Variants in EP400 observed in about 807,000 individuals in gnomAD.
EP400 encodes the protein E1A binding protein p400, also known as E1A-binding protein p400.
A neutral mutation model predicts 354.1 loss-of-function variants in EP400; 105 were observed. The ratio of observed to expected loss-of-function variants is 0.30; its 90% CI spans 0.25 to 0.35. EP400 has a LOEUF of 0.35. Among genes scored for constraint, EP400 ranks in the 10% least tolerant of loss-of-function variants. The probability of loss-of-function intolerance (pLI) is 1.00; values close to 1 mark genes in which losing one functional copy is unlikely to be tolerated. For missense variants in EP400, 3,280 were observed against 4,121.0 expected (o/e 0.80, Z 5.59); for synonymous variants, 1,646 against 1,716.9 (o/e 0.96, Z 1.02).
chr12:132,011,346 A>G (rs180921364), intron 15 of EP400, 152 bp from the exon 16 acceptor site: 4 of 928,776 alleles, frequency 4.3e-6, no homozygotes, highest in Non-Finnish European at 6.4e-6. Flanking sequence ...CTCCAGATGA[A>G]TGCACTTGTT....
chr12:132,011,656 A>T (rs1893770152), intron 16 of EP400, 22 bp downstream of exon 16: 1 of 1,571,556 alleles, frequency 6.4e-7, no homozygotes, highest in Admixed American at 2.0e-5. Context: ...TTAAACATAA[A>T]ATAAAGCTAA....
At chr12:132,047,875 C>T (rs1402471909) in intron 39 of EP400, among the ~76,000 whole-genome samples, 3 of 148,606 alleles carry the variant, frequency 2.0e-5, no homozygotes, top group Non-Finnish European at 4.6e-5. Flanking sequence ...GCCCCCAAAG[C>T]GGCCATTTCA....
rs200954409 is a variant in EP400 at position 132,028,146 on chromosome 12, G to T, written c.5239G>T (p.Val1747Leu). 2 of 1,614,178 alleles carry T rather than the reference G, an allele frequency of 1.2e-6. No individual in the cohort carries two copies. The highest frequency in any genetic ancestry group is 1.3e-5 in the African/African-American group (1 of 75,044). The stretch of plus-strand genomic sequence containing the variant: ...TTGTGCCCTGCCTAGCCATGGAAGG[G>T]TACAGTGGCGTGGGTCCCTGGATGG... Reference protein sequence around the residue: ...RICALPSHGRVQWRGSLDGRR... With the variant: ...RICALPSHGRLQWRGSLDGRR... Residue 1747 changes from valine to leucine, a missense_variant, in exon 27 of 53, where the codon GTA (valine) becomes TTA (leucine). Physicochemically the swap from Val to Leu is conservative, Grantham distance 32. Transcript: ENST00000389561.
intron 12 of EP400, among the ~76,000 whole-genome samples, chr12:131,999,271 G>C (rs1304841385): frequency 6.6e-6 from 1 of 152,076 alleles, no homozygotes; most frequent in East Asian, 1.9e-4. Context: ...TGGAAGCCTT[G>C]GCCTGACGTG....
Position 132,013,223 on chromosome 12 carries a change from T to C in EP400, c.3611+45T>C, listed in dbSNP as rs776933994. On this transcript the variant is annotated intron_variant, in intron 17 of 52. Coordinates refer to ENST00000389561, the MANE Select transcript of EP400 (RefSeq NM_015409.5). The surrounding 1 kb of genome is among the most constrained non-coding windows in gnomAD (Gnocchi z 4.5). ...GTCATTGAGTGTTCTTTGCTGTTGA[T>C]GTAGAAGATTCTCTTGAAGAAATCT... The C allele has an allele frequency of 4.3e-5, 67 of 1,564,476 alleles. No homozygotes were observed. Among genetic ancestry groups the C allele is most frequent in the Non-Finnish European group, 5.6e-5 (65 of 1,150,966 alleles).
In EP400 at chr12:132,035,789, C is replaced by T. The variant is rs113999356; in HGVS notation, c.5952-1893C>T. Among the ~76,000 whole-genome samples the T allele has an allele frequency of 2.4e-3, 356 of 146,002 alleles. 1 individual carries two copies. Among genetic ancestry groups the T allele is most frequent in the African/African-American group, 7.2e-3 (282 of 39,120 alleles). ...ACACAGCCAGGTTCACACGGAACGT[C>T]GTGGAAGGACATACCCAGGTTCACG... On this transcript the variant is annotated intron_variant, in intron 30 of 52. Transcript: ENST00000389561.
At chr12:132,006,070 C>T in intron 13 of EP400, 42 bp from the exon 14 acceptor site, 3 of 1,560,350 alleles carry the variant, frequency 1.9e-6, no homozygotes, top group South Asian at 1.2e-5. Context: ...TTTATAAAGC[C>T]TTCTCAGTGG....
intron 51 of EP400, among the ~76,000 whole-genome samples, chr12:132,074,047 C>T (rs1394260603): frequency 6.7e-6 from 1 of 150,306 alleles, no homozygotes; most frequent in Admixed American, 6.7e-5. Flanking sequence ...GCCTCAGCCT[C>T]CCGAGTAGCT....
At chr12:132,057,099 TAA>T (rs1025553061) in intron 45 of EP400, among the ~76,000 whole-genome samples, 11 of 152,342 alleles carry the variant, frequency 7.2e-5, no homozygotes, top group African/African-American at 2.6e-4. Flanking sequence ...AGTCGCTTCC[TAA>T]AACAGTTTCT....
intron 15 of EP400, among the ~76,000 whole-genome samples, chr12:132,007,106 T>G (rs370621167): frequency 1.3e-5 from 2 of 152,182 alleles, no homozygotes; most frequent in Admixed American, 1.3e-4. Flanking sequence ...ATACAGAGAC[T>G]CGTCAGGCTA....
At chr12:132,006,456 G>A (rs1403471165) in intron 14 of EP400, among the ~76,000 whole-genome samples, 154 bp downstream of exon 14, 2 of 152,228 alleles carry the variant, frequency 1.3e-5, no homozygotes, top group Non-Finnish European at 2.9e-5. Context: ...TGTAGTCCCA[G>A]CTACTCAGGA....
In EP400 at chr12:132,067,312, C is replaced by T; in HGVS notation, c.8750-50C>T. ...AGTTGGAACAGAGCTTGGCGTGAGC[C>T]TCAAGCTCTTTTCCCAGTGTGCTGA... On this transcript the variant is annotated intron_variant, in intron 49 of 52. Transcript: ENST00000389561. The surrounding 1 kb of genome is among the most constrained non-coding windows in gnomAD (Gnocchi z 5.3). The T allele has an allele frequency of 1.3e-6, 2 of 1,593,672 alleles. No homozygotes were observed. The highest frequency in any genetic ancestry group is 1.7e-6 in the Non-Finnish European group (2 of 1,167,624).
rs139297591 is a variant in EP400 at position 132,048,737 on chromosome 12, C to T, written c.7201-1586C>T. 9.2e-3 allele frequency among the ~76,000 whole-genome samples: 1,394 copies of T among 151,972 alleles called. 16 individuals carry two copies. Among genetic ancestry groups the T allele is most frequent in the African/African-American group, 0.032 (1,337 of 41,450 alleles). On this transcript the variant is annotated intron_variant, in intron 39 of 52. Transcript: ENST00000389561. ...ATGTCCTCTACTGCTAGAGGAATGC[C>T]CTAAATTTCACCAGGTTGGCCAGGC...
In EP400 at chr12:132,043,788, G is replaced by C. The variant is rs1894992088; in HGVS notation, c.6450+60G>C. On this transcript the variant is annotated intron_variant, in intron 34 of 52. Coordinates refer to ENST00000389561, the MANE Select transcript of EP400 (RefSeq NM_015409.5). Reference sequence around the variant, plus strand: ...TTGCAATATTTTCAGAGTTAAGTTTGATTTGAAGTAAATGTGACTTCATTA... The same window carrying C: ...TTGCAATATTTTCAGAGTTAAGTTTCATTTGAAGTAAATGTGACTTCATTA... 3.5e-6 allele frequency: 5 copies of C among 1,426,854 alleles called. No individual in the cohort carries two copies. In the East Asian group the frequency reaches 9.2e-5, roughly 26 times the overall value. The allele number at this position is 1,426,854 out of a possible 1,614,324, so 88.4% of individuals were successfully genotyped here.
At chr12:131,979,890 C>A in intron 3 of EP400, 97 bp downstream of exon 3, 1 of 957,270 alleles carries the variant, frequency 1.0e-6, no homozygotes, top group Admixed American at 3.3e-5. Flanking sequence ...AGTTGCTAAA[C>A]TTGGTTTCTT....
chr12:132,071,388 G>A (rs572835312), intron 51 of EP400, among the ~76,000 whole-genome samples: 1 of 152,168 alleles, frequency 6.6e-6, no homozygotes, highest in African/African-American at 2.4e-5. Context: ...TGATCCCTCA[G>A]GCCTCAGGTG....
rs1474686735 is a variant in EP400 at position 132,076,655 on chromosome 12, A to G, written c.9099+62A>G. 16 of 1,440,734 alleles carry G rather than the reference A, an allele frequency of 1.1e-5. 1 individual carries two copies. The highest frequency in any genetic ancestry group is 1.4e-5 in the African/African-American group (1 of 70,408). The allele number at this position is 1,440,734 out of a possible 1,614,324, so 89.2% of individuals were successfully genotyped here. A position where few individuals can be genotyped will look rare whatever the true frequency, so the allele number is the denominator to read the frequency against. On this transcript the variant is annotated intron_variant, in intron 52 of 52. Coordinates refer to ENST00000389561, the MANE Select transcript of EP400 (RefSeq NM_015409.5). ...CCAGGTCAGAGAATGGGTTGTTTTCATCTGAGGTCATGATTAGGGAATCAC... is the reference window on the plus strand; with the variant it reads ...CCAGGTCAGAGAATGGGTTGTTTTCGTCTGAGGTCATGATTAGGGAATCAC...
intron 13 of EP400, among the ~76,000 whole-genome samples, chr12:132,005,438 T>C (rs1187014476): frequency 3.3e-5 from 5 of 152,218 alleles, no homozygotes; most frequent in Non-Finnish European, 7.3e-5. Flanking sequence ...TTTATAAACA[T>C]CATTGTTTTA....
chr12:131,967,656 C>T (rs1458023139), intron 2 of EP400, among the ~76,000 whole-genome samples: 1 of 151,580 alleles, frequency 6.6e-6, no homozygotes, highest in Non-Finnish European at 1.5e-5. Context: ...CACCACTGCA[C>T]TCTAGCCTGG....
Sources: gnomAD v4.1 joint callset for allele counts (sites outside exome capture counted in the v4.1 genomes callset) on GRCh38, gnomAD v4.1.1 for gene constraint, Gnocchi (gnomAD v3.1) non-coding constraint, MANE v1.5 for transcripts, NCBI Gene and HGNC (gene_info 2026-07-23, HGNC 2026-07-21) for gene names.